CCSER1: variants seen among roughly 807,000 people sequenced by gnomAD.
The protein encoded by CCSER1 is coiled-coil serine rich protein 1.
CCSER1 carries 41 observed loss-of-function variants against 82.0 expected under a neutral mutation model. The ratio of observed to expected loss-of-function variants is 0.50; its 90% CI spans 0.39 to 0.65. CCSER1 has a LOEUF of 0.65. Ranked by LOEUF, CCSER1 falls within the 30% of genes least tolerant of loss-of-function variation. The probability of loss-of-function intolerance (pLI) is 0.00; values close to 1 mark genes in which losing one functional copy is unlikely to be tolerated. For missense variants in CCSER1, 1,119 were observed against 1,064.2 expected (o/e 1.05, Z -0.72); for synonymous variants, 414 against 383.9 (o/e 1.08, Z -0.92).
chr4:90,334,236 T>C (rs1420391909), intron 3 of CCSER1, among the ~76,000 whole-genome samples: 1 of 151,998 alleles, frequency 6.6e-6, no homozygotes, highest in Non-Finnish European at 1.5e-5. Flanking sequence ...GGGTAGGAGA[T>C]AGAGAAGAGC....
chr4:90,319,714 A>T (rs891939996), intron 3 of CCSER1, among the ~76,000 whole-genome samples: 2 of 152,228 alleles, frequency 1.3e-5, no homozygotes, highest in African/African-American at 4.8e-5. Context: ...TGAAATCCTT[A>T]ATGAGACTTT....
chr4:90,703,238 G>C (rs58288401), intron 6 of CCSER1, among the ~76,000 whole-genome samples: 34,532 of 152,116 alleles, frequency 0.23, 4,956 homozygotes, highest in African/African-American at 0.4. Flanking sequence ...GTACCCAGTA[G>C]TTGTTCAGGA....
intron 1 of CCSER1, among the ~76,000 whole-genome samples, chr4:90,169,703 G>A (rs554420110): frequency 6.6e-6 from 1 of 152,130 alleles, no homozygotes; most frequent in South Asian, 2.1e-4. Context: ...TTTTATTGTG[G>A]AGCATATGAA....
intron 10 of CCSER1, among the ~76,000 whole-genome samples, chr4:91,285,748 C>T (rs1386336718): frequency 1.3e-5 from 2 of 151,810 alleles, no homozygotes; most frequent in African/African-American, 4.8e-5. Context: ...TTCTTTTAGT[C>T]AAATGCAAAT....
At chr4:90,403,139 G>A (rs1753144460) in intron 4 of CCSER1, among the ~76,000 whole-genome samples, 1 of 152,174 alleles carries the variant, frequency 6.6e-6, no homozygotes, top group Admixed American at 6.5e-5. Context: ...CTTTAGCTGA[G>A]AAAGAATTAT....
intron 8 of CCSER1, among the ~76,000 whole-genome samples, chr4:90,893,776 C>A (rs62312269): frequency 9.3e-6 from 1 of 108,052 alleles, no homozygotes; most frequent in Non-Finnish European, 2.0e-5. Flanking sequence ...TGTGTGTGTG[C>A]GTGTGTGTGT....
chr4:91,037,933 A>AT (rs1297832568), intron 9 of CCSER1, among the ~76,000 whole-genome samples: 5 of 151,950 alleles, frequency 3.3e-5, no homozygotes, highest in Non-Finnish European at 1.5e-5. Context: ...AATATGAAAA[A>AT]TTTTTTTTCT....
chr4:90,186,373 T>C (rs1021792860), intron 1 of CCSER1, among the ~76,000 whole-genome samples: 4 of 151,420 alleles, frequency 2.6e-5, no homozygotes, highest in African/African-American at 9.8e-5. Context: ...AAACCTAAGA[T>C]GTTTAACCCT....
At chr4:91,578,902 G>A (rs535017835) in intron 10 of CCSER1, among the ~76,000 whole-genome samples, 4 of 151,900 alleles carry the variant, frequency 2.6e-5, no homozygotes, top group African/African-American at 9.6e-5. Context: ...ATATATGTGT[G>A]TATGTCTATT....
intron 1 of CCSER1, among the ~76,000 whole-genome samples, chr4:90,203,082 CA>C (rs1321356725): frequency 1.3e-5 from 2 of 152,154 alleles, no homozygotes; most frequent in Non-Finnish European, 2.9e-5. Flanking sequence ...CACCTTGTCT[CA>C]AGAAACAACT....
intron 10 of CCSER1, among the ~76,000 whole-genome samples, chr4:91,175,237 G>A (rs1733204274): frequency 6.6e-6 from 1 of 152,132 alleles, no homozygotes; most frequent in Non-Finnish European, 1.5e-5. Context: ...GGACATTTGG[G>A]TTGGTTCCAG....
chr4:90,865,581 G>T (rs1765633914), intron 8 of CCSER1, among the ~76,000 whole-genome samples: 1 of 151,884 alleles, frequency 6.6e-6, no homozygotes, highest in African/African-American at 2.4e-5. Context: ...TCAGGCAACT[G>T]GTAGGCATAC....
chr4:90,460,324 C>CACAAAAAAAAAAAAAAAAA (rs1762730447), intron 4 of CCSER1, among the ~76,000 whole-genome samples: 1 of 32,658 alleles, frequency 3.1e-5, no homozygotes, highest in Non-Finnish European at 5.8e-5. Context: ...AACTCCGTCT[C>CACAAAAAAAAAAAAAAAAA]AAAAAAAAAA....
At chr4:90,252,632 C>T (rs1034017301) in intron 1 of CCSER1, among the ~76,000 whole-genome samples, 10 of 151,678 alleles carry the variant, frequency 6.6e-5, no homozygotes, top group African/African-American at 2.4e-4. Context: ...TTACAAAAAT[C>T]CACTTATATT....
chr4:90,221,752 A>G (rs1445891655), intron 1 of CCSER1, among the ~76,000 whole-genome samples: 1 of 152,096 alleles, frequency 6.6e-6, no homozygotes, highest in Non-Finnish European at 1.5e-5. Flanking sequence ...TTGACAGCGG[A>G]AGTAGGAATG....
intron 7 of CCSER1, among the ~76,000 whole-genome samples, chr4:90,761,280 C>T (rs906991589): frequency 1.4e-4 from 22 of 152,082 alleles, no homozygotes; most frequent in Non-Finnish European, 4.4e-5. Flanking sequence ...GTACTAAAAA[C>T]ACAATGAGAC....
rs894298675 is a variant in CCSER1 at position 90,693,947 on chromosome 4, G to C, written c.1933-29967G>C. Among the ~76,000 whole-genome samples the C allele has an allele frequency of 2.6e-5, 4 of 151,474 alleles. No individual in the cohort carries two copies. The South Asian group carries it at 8.3e-4, about 31-fold the overall frequency. On this transcript the variant is annotated intron_variant, in intron 6 of 10. Transcript: ENST00000509176. ...AGAGAGGGGAAAGAAGAAGTGGGGA[G>C]GAAAAATCATATTCTTCAGTTTATA... is the stretch of plus-strand genomic sequence containing the variant.
chr4:91,009,551 C>G (rs1192515324), intron 9 of CCSER1, among the ~76,000 whole-genome samples: 1 of 152,078 alleles, frequency 6.6e-6, no homozygotes, highest in African/African-American at 2.4e-5. Flanking sequence ...AATTTGTTTT[C>G]TGGTTGGTTT....
intron 9 of CCSER1, among the ~76,000 whole-genome samples, chr4:91,022,662 C>A: frequency 6.6e-6 from 1 of 152,180 alleles, no homozygotes; most frequent in East Asian, 1.9e-4. Flanking sequence ...CACATCCTCT[C>A]CAGCACCTGT....
Sources: allele counts gnomAD v4.1 joint callset (sites outside exome capture counted in the v4.1 genomes callset), GRCh38; gene constraint gnomAD v4.1.1; transcripts MANE v1.5; gene names NCBI Gene and HGNC (gene_info 2026-07-23, HGNC 2026-07-21).